Variants in CLYBL observed in about 807,000 individuals in gnomAD.
CLYBL encodes the protein citramalyl-CoA lyase, mitochondrial.
Under a neutral mutation model 38.9 loss-of-function variants are expected in CLYBL, and 31 were observed. The ratio of observed to expected loss-of-function variants is 0.80; its 90% CI spans 0.60 to 1.08. The LOEUF (loss-of-function observed/expected upper bound fraction) is 1.08. Ranked by LOEUF, CLYBL falls within the 50% of genes least tolerant of loss-of-function variation. The pLI is 0.00. For missense variants in CLYBL, 434 were observed against 411.6 expected, an observed-to-expected ratio of 1.05 and a Z score of -0.47; for synonymous variants, 171 against 158.6, an observed-to-expected ratio of 1.08 and a Z score of -0.59.
intron 2 of CLYBL, among the ~76,000 whole-genome samples, chr13:99,832,487 G>A (rs2050825305): frequency 6.6e-6 from 1 of 152,196 alleles, no homozygotes. Flanking sequence ...GCATGTCATT[G>A]GATAGTGATA....
At chr13:99,773,118 T>G in intron 2 of CLYBL, 108 bp downstream of exon 2, 1 of 893,724 alleles carries the variant, frequency 1.1e-6, no homozygotes, top group Non-Finnish European at 1.7e-6. Flanking sequence ...ACTCATCTTT[T>G]GCTGATTATT....
intron 1 of CLYBL, among the ~76,000 whole-genome samples, chr13:99,695,897 G>A (rs2047972750): frequency 6.6e-6 from 1 of 152,168 alleles, no homozygotes; most frequent in South Asian, 2.1e-4. Context: ...AGGTCAGAGG[G>A]TGACCTTCCT....
At chr13:99,718,933 C>T (rs1323463333) in intron 1 of CLYBL, among the ~76,000 whole-genome samples, 1 of 151,936 alleles carries the variant, frequency 6.6e-6, no homozygotes, top group Admixed American at 6.6e-5. Flanking sequence ...ACCTCCGCCT[C>T]CTAGGTTCAA....
Position 99,862,224 on chromosome 13 carries a change from C to CTCTA in CLYBL, c.439-759_439-756dup, listed in dbSNP as rs138435502. Among the ~76,000 whole-genome samples, 24 of 152,232 alleles carry CTCTA rather than the reference C, an allele frequency of 1.6e-4. No homozygotes were observed. In the South Asian group the frequency reaches 3.5e-3, roughly 22 times the overall value. Reference sequence around the variant, plus strand: ...TACCTTTATCATACCTGTGTTTCTTCTCTATCTATCTCCCCACATCTTATT... The same window carrying CTCTA: ...TACCTTTATCATACCTGTGTTTCTTCTCTATCTATCTATCTCCCCACATCTTATT... On this transcript the variant is annotated intron_variant, in intron 3 of 8. Coordinates refer to ENST00000339105, the MANE Select transcript of CLYBL (RefSeq NM_206808.5).
At chr13:99,789,133 CTT>C (rs2049862724) in intron 2 of CLYBL, among the ~76,000 whole-genome samples, 1 of 152,100 alleles carries the variant, frequency 6.6e-6, no homozygotes, top group Non-Finnish European at 1.5e-5. Context: ...TTTTGTTAAT[CTT>C]TTCAAAAAAC....
chr13:99,614,367 C>G (rs1594083362), intron 1 of CLYBL, among the ~76,000 whole-genome samples: 3 of 152,080 alleles, frequency 2.0e-5, no homozygotes, highest in East Asian at 3.9e-4. Context: ...GCGGAAGCGG[C>G]AATACCAGGA....
intron 1 of CLYBL, among the ~76,000 whole-genome samples, chr13:99,700,870 G>T (rs2048054719): frequency 6.6e-6 from 1 of 152,218 alleles, no homozygotes; most frequent in Admixed American, 6.5e-5. Flanking sequence ...CAGCATGAAA[G>T]AACTTGAAAA....
At chr13:99,791,823 G>A (rs74112564) in intron 2 of CLYBL, among the ~76,000 whole-genome samples, 114 of 152,324 alleles carry the variant, frequency 7.5e-4, no homozygotes, top group African/African-American at 2.6e-3. Context: ...GCTTTAGAAT[G>A]CCAAGACTTA....
chr13:99,652,402 G>A (rs2047268148), intron 1 of CLYBL, among the ~76,000 whole-genome samples: 1 of 152,178 alleles, frequency 6.6e-6, no homozygotes, highest in East Asian at 1.9e-4. Context: ...AGCAAGCAGG[G>A]AAGTTGTCCA....
chr13:99,638,366 T>A (rs1269950582), intron 1 of CLYBL, among the ~76,000 whole-genome samples: 1 of 152,264 alleles, frequency 6.6e-6, no homozygotes, highest in Non-Finnish European at 1.5e-5. Context: ...TCTCTTTTCT[T>A]ACTCCAAATT....
chr13:99,842,098 G>A (rs973968377), intron 2 of CLYBL, among the ~76,000 whole-genome samples: 11 of 152,124 alleles, frequency 7.2e-5, no homozygotes, highest in East Asian at 3.9e-4. Context: ...GATTACAGGC[G>A]TGAGCCACCG....
intron 2 of CLYBL, among the ~76,000 whole-genome samples, chr13:99,775,846 C>T (rs932207832): frequency 6.6e-6 from 1 of 151,916 alleles, no homozygotes; most frequent in African/African-American, 2.4e-5. Context: ...TTCTGGAAAG[C>T]CAAGCTGGTC....
chr13:99,816,211 A>G (rs571542180), intron 2 of CLYBL, among the ~76,000 whole-genome samples: 51 of 152,360 alleles, frequency 3.3e-4, no homozygotes, highest in African/African-American at 1.1e-3. Context: ...CCAGAGACCA[A>G]TAAGACTTGG....
Position 99,858,932 on chromosome 13 carries a change from A to T in CLYBL, c.321A>T (p.Arg107Ser), listed in dbSNP as rs760803360. ...IDLGPTEKCV[R>S]VNSVSSGLAE... Reference sequence around the variant, plus strand: ...TGGGCCCTACTGAAAAATGTGTGAGAGTCAACTCAGTTTCCAGTGGTCTGG... The same window carrying T: ...TGGGCCCTACTGAAAAATGTGTGAGTGTCAACTCAGTTTCCAGTGGTCTGG... Residue 107 changes from arginine (R) to serine (S), a missense_variant, in exon 3 of 9, where the codon AGA (arginine) becomes AGT (serine). By Grantham distance (110) the Arg-to-Ser change is moderately radical (BLOSUM62 -1). Transcript: ENST00000339105. 4 of 1,614,048 alleles carry T rather than the reference A, an allele frequency of 2.5e-6. No individual in the cohort carries two copies. The highest frequency in any genetic ancestry group is 2.5e-6 in the Non-Finnish European group (3 of 1,179,908).
intron 2 of CLYBL, among the ~76,000 whole-genome samples, chr13:99,780,720 T>A (rs1443770819): frequency 6.6e-6 from 1 of 150,818 alleles, no homozygotes; most frequent in East Asian, 1.9e-4. Flanking sequence ...TGTCTTTTTT[T>A]TTTTTTTTTT....
chr13:99,718,085 C>T (rs2048343970), intron 1 of CLYBL, among the ~76,000 whole-genome samples: 1 of 151,934 alleles, frequency 6.6e-6, no homozygotes, highest in Non-Finnish European at 1.5e-5. Flanking sequence ...CCCTAAGTTG[C>T]CCAGGCTGGT....
chr13:99,877,571 CTTTT>C (rs561372911), intron 7 of CLYBL: 39,710 of 211,460 alleles, frequency 0.19, 2,621 homozygotes, highest in East Asian at 0.36. Flanking sequence ...TTTTGTAATT[CTTTT>C]TTTTTTTTTT....
intron 2 of CLYBL, among the ~76,000 whole-genome samples, chr13:99,831,770 GC>G (rs1212136747): frequency 1.3e-5 from 2 of 151,036 alleles, no homozygotes; most frequent in African/African-American, 4.9e-5. Flanking sequence ...AAAAAAAGGG[GC>G]CCCATTTTGA....
At position 99,840,623 on chromosome 13, in the gene CLYBL, G is replaced by A. The variant is rs555271345; in HGVS notation, c.250-18238G>A. 1.7e-3 allele frequency among the ~76,000 whole-genome samples: 258 copies of A among 151,716 alleles called. 2 individuals are homozygous for A. The highest frequency in any genetic ancestry group is 2.0e-3 in the Non-Finnish European group (133 of 67,896). ...AAATTAGCCAGGCGTGGGGGCATGC[G>A]CCTGTAGTCCCAGCTACCTGGAAGG... On this transcript the variant is annotated intron_variant, in intron 2 of 8. Coordinates refer to ENST00000339105, the MANE Select transcript of CLYBL (RefSeq NM_206808.5).
Sources: allele counts gnomAD v4.1 joint callset (sites outside exome capture counted in the v4.1 genomes callset), GRCh38; gene constraint gnomAD v4.1.1; transcripts MANE v1.5; gene names NCBI Gene and HGNC (gene_info 2026-07-23, HGNC 2026-07-21).